Variants in SGCE observed in about 807,000 individuals in gnomAD.
The protein encoded by SGCE is sarcoglycan epsilon.
A neutral mutation model predicts 57.8 loss-of-function variants in SGCE; 26 were observed. The observed-to-expected ratio is 0.45, with a 90% CI of 0.33 to 0.62. The LOEUF (loss-of-function observed/expected upper bound fraction) is 0.62, where lower values mean the gene tolerates loss of function less well. SGCE is among the 20% of genes least tolerant of loss of function. The pLI is 0.02. For missense variants in SGCE, 468 were observed against 548.6 expected (o/e 0.85, Z 1.47); for synonymous variants, 183 against 189.5 (o/e 0.97, Z 0.28).
rs780812386 is a variant in SGCE, at chr7:94,586,061, G to GAAAAAAAAAAAAAA, written c.1298-560_1298-547dup. Among the ~76,000 whole-genome samples the GAAAAAAAAAAAAAA allele has an allele frequency of 8.3e-4, 24 of 28,904 alleles. 1 individual carries two copies. Among genetic ancestry groups the GAAAAAAAAAAAAAA allele is most frequent in the Admixed American group, 1.0e-3 (2 of 1,914 alleles). The allele number at this position is 28,904 out of a possible 152,430, so 19.0% of individuals were successfully genotyped here. A position where few individuals can be genotyped will look rare whatever the true frequency, so the allele number is the denominator to read the frequency against. On this transcript the variant is annotated intron_variant, in intron 10 of 10. Transcript: ENST00000648936. ...TTTAAAAGAAAACAAGGAACTAAAT[G>GAAAAAAAAAAAAAA]AAAAAAAAAAAAAAAAAAAAAAAAA...
chr7:94,655,020 C>A (rs1808392977), intron 1 of SGCE, among the ~76,000 whole-genome samples: 1 of 152,226 alleles, frequency 6.6e-6, no homozygotes, highest in African/African-American at 2.4e-5. Context: ...TTATCAGCCA[C>A]TGCAATTTTC....
At chr7:94,655,859 C>T in intron 1 of SGCE, 131 bp downstream of exon 1, 1 of 669,894 alleles carries the variant, frequency 1.5e-6, no homozygotes, top group Admixed American at 2.1e-5. Context: ...AGGAGGGGTA[C>T]GGTGGGGTCC....
intron 1 of SGCE, among the ~76,000 whole-genome samples, chr7:94,654,727 T>C (rs1808349757): frequency 6.6e-6 from 1 of 152,228 alleles, no homozygotes; most frequent in Non-Finnish European, 1.5e-5. Flanking sequence ...AACGTTGTTA[T>C]GACAATAAGT....
chr7:94,654,824 G>T (rs1179883744), intron 1 of SGCE, among the ~76,000 whole-genome samples: 1 of 152,300 alleles, frequency 6.6e-6, no homozygotes. Context: ...ATATGAAAGC[G>T]TTTCATCTGT....
chr7:94,589,760 T>A (rs1008129701), intron 9 of SGCE: 1 of 186,756 alleles, frequency 5.4e-6, no homozygotes, highest in Non-Finnish European at 1.1e-5. Context: ...CATCACCCCC[T>A]GATGGTACTG....
At chr7:94,634,081 T>C (rs930728201) in intron 1 of SGCE, among the ~76,000 whole-genome samples, 1 of 152,180 alleles carries the variant, frequency 6.6e-6, no homozygotes, top group African/African-American at 2.4e-5. Context: ...GTATTGTCAA[T>C]ATTTATGTCC....
chr7:94,629,853 G>A lies in SGCE; in HGVS notation c.110-12C>T, dbSNP rs202119733. 8 of 1,610,112 alleles carry A rather than the reference G, an allele frequency of 5.0e-6. No homozygotes were observed. Among genetic ancestry groups the A allele is most frequent in the Non-Finnish European group, 6.8e-6 (8 of 1,177,148 alleles). ...GAAAATACTGTACACTGAAAACAAA[G>A]AGGAAAGATAAGTGACAGAAAGACA... On this transcript the variant is annotated splice_polypyrimidine_tract_variant and intron_variant, in intron 1 of 10. Coordinates refer to ENST00000648936, the MANE Select transcript of SGCE (RefSeq NM_003919.3).
intron 1 of SGCE, among the ~76,000 whole-genome samples, chr7:94,649,235 T>G (rs1476286368): frequency 6.6e-6 from 1 of 152,202 alleles, no homozygotes; most frequent in African/African-American, 2.4e-5. Context: ...TGCACAAAAA[T>G]TCTTACATGA....
chr7:94,594,073 C>T (rs1006258665), intron 9 of SGCE, among the ~76,000 whole-genome samples: 3 of 152,024 alleles, frequency 2.0e-5, no homozygotes, highest in African/African-American at 7.2e-5. Context: ...CTTGACGTTC[C>T]TTTGATGACC....
intron 10 of SGCE, 28 bp downstream of exon 10, chr7:94,588,661 A>T (rs1179034632): frequency 6.3e-7 from 1 of 1,574,832 alleles, no homozygotes; most frequent in East Asian, 2.2e-5. Context: ...TCATTCATAA[A>T]CATTAATTTA....
intron 9 of SGCE, among the ~76,000 whole-genome samples, chr7:94,596,668 T>TTA (rs1798444941): frequency 3.3e-5 from 5 of 152,150 alleles, no homozygotes; most frequent in Admixed American, 3.3e-4. Context: ...TGCCTTGTAC[T>TTA]TATTAATTAA....
At chr7:94,608,035 C>A (rs1800423782) in intron 5 of SGCE, among the ~76,000 whole-genome samples, 1 of 152,100 alleles carries the variant, frequency 6.6e-6, no homozygotes, top group South Asian at 2.1e-4. Context: ...CCAGCATGAA[C>A]AGGTAGAACT....
chr7:94,603,554 T>C, intron 5 of SGCE, 102 bp from the exon 6 acceptor site: 1 of 1,065,766 alleles, frequency 9.4e-7, no homozygotes, highest in Non-Finnish European at 1.4e-6. Flanking sequence ...ATTGAGAGAT[T>C]AACTAGACTC....
chr7:94,600,703 A>G lies in SGCE; in HGVS notation c.980T>C (p.Val327Ala). The change falls in exon 7 of 11, where the codon GTG becomes GCG. Residue 327 changes from valine to alanine, a missense_variant. By Grantham distance (64) the Val-to-Ala change is moderately conservative (BLOSUM62 0). Transcript: ENST00000648936. The part of the protein sequence containing the change: ...FLITLAVPSA[V>A]ALVLFLILAY... Reference sequence around the variant, plus strand: ...AAGTATTAGAAAAAGGACCAGTGCCACTGCCGAGGGCACAGCCAGTGTAAT... The same window carrying G: ...AAGTATTAGAAAAAGGACCAGTGCCGCTGCCGAGGGCACAGCCAGTGTAAT... 6.2e-7 allele frequency: 1 copy of G among 1,613,896 alleles called. No homozygotes were observed. Among genetic ancestry groups the G allele is most frequent in the South Asian group, 1.1e-5 (1 of 91,066 alleles).
chr7:94,623,757 T>G (rs1226985492), intron 3 of SGCE: 1 of 394,322 alleles, frequency 2.5e-6, no homozygotes, highest in Non-Finnish European at 4.5e-6. Context: ...ACAATAATTT[T>G]TGTACTTTTA....
chr7:94,623,349 T>G lies in SGCE; in HGVS notation c.439A>C (p.Ile147Leu). The change falls in exon 4 of 11, where the codon ATA becomes CTA. Residue 147 changes from isoleucine to leucine, a missense_variant. Coordinates refer to ENST00000648936, the MANE Select transcript of SGCE (RefSeq NM_003919.3). ...CCTTCTGCAGACATTATATTAATTATCAAATTATGCCTTGCAGTCTCAAAG... is the reference window on the plus strand; with the variant it reads ...CCTTCTGCAGACATTATATTAATTAGCAAATTATGCCTTGCAGTCTCAAAG... ...RTFETARHNLIINIMSAEDFP... is the reference protein window; with the variant it reads ...RTFETARHNLLINIMSAEDFP... 1 of 1,602,506 alleles carries G rather than the reference T, an allele frequency of 6.2e-7. No individual in the cohort carries two copies. The highest frequency in any genetic ancestry group is 8.5e-7 in the Non-Finnish European group (1 of 1,171,008).
At chr7:94,601,909 T>C (rs1441675595) in intron 6 of SGCE, among the ~76,000 whole-genome samples, 1 of 152,140 alleles carries the variant, frequency 6.6e-6, no homozygotes, top group Non-Finnish European at 1.5e-5. Context: ...ACTGTATGAA[T>C]CTTATTTAAC....
chr7:94,656,066 G>T lies in SGCE; in HGVS notation c.33C>A (p.Asp11Glu), dbSNP rs753678586. Residue 11 changes from aspartate to glutamate, a missense_variant, in exon 1 of 11, where the codon GAC becomes GAA. By Grantham distance (45) the Asp-to-Glu change is conservative (BLOSUM62 2). Coordinates refer to ENST00000648936, the MANE Select transcript of SGCE (RefSeq NM_003919.3). MQLPRWWELG[D>E]PCAWTGQGRG... ...GACCCTGTCCCGTCCAAGCACAGGG[G>T]TCTCCCAGCTCCCACCACCGGGGCA... The T allele has an allele frequency of 1.2e-6, 2 of 1,612,668 alleles. No individual in the cohort carries two copies. Among genetic ancestry groups the T allele is most frequent in the African/African-American group, 1.3e-5 (1 of 74,984 alleles).
chr7:94,614,847 AT>A (rs1442992167), intron 5 of SGCE, among the ~76,000 whole-genome samples: 1 of 152,232 alleles, frequency 6.6e-6, no homozygotes, highest in Non-Finnish European at 1.5e-5. Flanking sequence ...CATTAAAAAA[AT>A]ACTGAATAAA....
Sources: allele counts gnomAD v4.1 joint callset (sites outside exome capture counted in the v4.1 genomes callset), GRCh38; gene constraint gnomAD v4.1.1; transcripts MANE v1.5; gene names NCBI Gene and HGNC (gene_info 2026-07-23, HGNC 2026-07-21).